PM20D2: variants seen among roughly 807,000 people sequenced by gnomAD.
PM20D2 encodes xaa-Arg dipeptidase.
In PM20D2, 33 loss-of-function variants were observed where a neutral mutation model predicts 42.9. The ratio of observed to expected loss-of-function variants is 0.77; its 90% CI spans 0.58 to 1.03. The LOEUF is 1.03. Among genes scored for constraint, PM20D2 ranks in the 50% least tolerant of loss-of-function variants. The probability of loss-of-function intolerance (pLI) is 0.00; values close to 1 mark genes in which losing one functional copy is unlikely to be tolerated. For synonymous variants in PM20D2, 250 were observed against 228.2 expected, an observed-to-expected ratio of 1.10 and a Z score of -0.86; for missense variants, 548 against 557.0, an observed-to-expected ratio of 0.98 and a Z score of 0.16.
chr6:89,109,032 C>T, the PM20D2 span, among the ~76,000 whole-genome samples: 99,369 of 152,008 alleles, frequency 0.65, 33,266 homozygotes, highest in East Asian at 0.78. Flanking sequence ...TAAGCAAATA[C>T]TTATTGAGCA....
At chr6:89,098,784 T>C in the PM20D2 span, 1 of 1,613,980 alleles carries the variant, frequency 6.2e-7, no homozygotes, top group Non-Finnish European at 8.5e-7. Context: ...GACTGTGATT[T>C]TCCTATTGAC....
chr6:89,110,522 A>G, the PM20D2 span, among the ~76,000 whole-genome samples: 2 of 152,184 alleles, frequency 1.3e-5, no homozygotes, highest in Non-Finnish European at 2.9e-5. Flanking sequence ...GACCAGTCTG[A>G]TTGGTTGTAG....
the PM20D2 span, among the ~76,000 whole-genome samples, chr6:89,124,733 G>GTTTTTTTTTTTTTTTTTTTTTTTTTTTTT: frequency 3.8e-5 from 3 of 79,554 alleles, 1 homozygote; most frequent in Non-Finnish European, 2.3e-5. Context: ...TGTTGCTGTT[G>GTTTTTTTTTTTTTTTTTTTTTTTTTTTTT]TTGTTTTTTT....
chr6:89,122,325 G>A, the PM20D2 span, among the ~76,000 whole-genome samples: 1 of 152,184 alleles, frequency 6.6e-6, no homozygotes, highest in East Asian at 1.9e-4. Context: ...AAGAGTTTGG[G>A]TTATTAGTAA....
the PM20D2 span, among the ~76,000 whole-genome samples, chr6:89,109,930 A>C: frequency 6.6e-6 from 1 of 152,068 alleles, no homozygotes; most frequent in Non-Finnish European, 1.5e-5. Context: ...TCTCTACTAA[A>C]AATACAAAAA....
chr6:89,117,754 C>T, the PM20D2 span: 4 of 1,460,378 alleles, frequency 2.7e-6, no homozygotes, highest in African/African-American at 3.0e-5. Flanking sequence ...GGGCCTCGGC[C>T]GTGCTCCGCG....
At chr6:89,149,528 G>A in intron 2 of PM20D2, 115 bp downstream of exon 2, 1 of 1,287,810 alleles carries the variant, frequency 7.8e-7, no homozygotes, top group Non-Finnish European at 1.1e-6. Context: ...TAAATTGAAA[G>A]ACAATAACAA....
the PM20D2 span, among the ~76,000 whole-genome samples, chr6:89,113,533 T>A: frequency 3.3e-5 from 5 of 152,098 alleles, no homozygotes; most frequent in Admixed American, 3.3e-4. Flanking sequence ...CATCTCGAAC[T>A]CCTGACCTCA....
At chr6:89,158,556 G>GTACCTCCC in intron 5 of PM20D2, 96 bp downstream of exon 5, 1 of 1,388,884 alleles carries the variant, frequency 7.2e-7, no homozygotes, top group Non-Finnish European at 9.9e-7. Context: ...GAGGTCGGGA[G>GTACCTCCC]GTACTACTGA....
At chr6:89,097,938 A>G in the PM20D2 span, 1 of 152,200 alleles carries the variant, frequency 6.6e-6, no homozygotes, top group African/African-American at 2.4e-5. Flanking sequence ...TGATATTACT[A>G]ATGTGGTCAT....
the PM20D2 span, chr6:89,098,396 T>C: frequency 1.6e-6 from 1 of 642,330 alleles, no homozygotes; most frequent in Non-Finnish European, 2.4e-6. Flanking sequence ...ATTTGTAGTG[T>C]GGGCCCTTTA....
chr6:89,123,454 C>G, the PM20D2 span, among the ~76,000 whole-genome samples: 1 of 152,096 alleles, frequency 6.6e-6, no homozygotes, highest in Non-Finnish European at 1.5e-5. Flanking sequence ...GGCACAGTTG[C>G]TCATGCCTGT....
chr6:89,158,355 T>TA lies in PM20D2; in HGVS notation c.944dup (p.Tyr315Ter), dbSNP rs1278255428. The TA allele has an allele frequency of 6.2e-7, 1 of 1,600,748 alleles. No homozygotes were observed. Among genetic ancestry groups the TA allele is most frequent in the African/African-American group, 1.4e-5 (1 of 73,886 alleles). Residue 315 changes from tyrosine to a stop codon, truncating the protein, a stop_gained and frameshift_variant, in exon 5 of 7, where the codon TAC (tyrosine) becomes TAAC (stop). Coordinates refer to ENST00000275072, the MANE Select transcript of PM20D2 (RefSeq NM_001010853.3). LOFTEE classifies it high-confidence loss of function. The part of the protein sequence containing the change: ...VEIKGGAHDY[Y>*]NVLPNKSLWK... Reference sequence around the variant, plus strand: ...AATTAAAGGTGGAGCACATGATTATTACAATGTTCTTCCCAATAAGAGCCT... The same window carrying TA: ...AATTAAAGGTGGAGCACATGATTATTAACAATGTTCTTCCCAATAAGAGCCT...
intron 5 of PM20D2, among the ~76,000 whole-genome samples, chr6:89,159,738 A>G (rs1275688711): frequency 1.3e-5 from 2 of 152,246 alleles, no homozygotes; most frequent in African/African-American, 2.4e-5. Context: ...AGTAGCACAC[A>G]GTGAGCATTG....
At chr6:89,130,190 C>T in the PM20D2 span, among the ~76,000 whole-genome samples, 1 of 152,122 alleles carries the variant, frequency 6.6e-6, no homozygotes, top group Admixed American at 6.5e-5. Context: ...CTGAAACGGT[C>T]CTCATACCCC....
the PM20D2 span, chr6:89,105,320 C>T: frequency 6.4e-7 from 1 of 1,568,878 alleles, no homozygotes; most frequent in South Asian, 1.2e-5. Context: ...ACAGTAACAA[C>T]CACTCAACTA....
the PM20D2 span, chr6:89,106,888 C>T: frequency 2.0e-6 from 1 of 493,782 alleles, no homozygotes; most frequent in African/African-American, 1.9e-5. Context: ...ATATCTGTGT[C>T]CACCCTCCCT....
chr6:89,106,355 C>T, the PM20D2 span, among the ~76,000 whole-genome samples: 2 of 152,210 alleles, frequency 1.3e-5, no homozygotes, highest in Middle Eastern at 3.4e-3. Context: ...TGAGGTGATC[C>T]ACCCGCCTCA....
chr6:89,146,646 G>GC lies in PM20D2; in HGVS notation c.465+40dup, dbSNP rs1474325466. 4 of 1,366,268 alleles carry GC rather than the reference G, an allele frequency of 2.9e-6. No individual in the cohort carries two copies. The African/African-American group carries it at 6.2e-5, about 21-fold the overall frequency. 84.6% of individuals were successfully genotyped at this position (1,366,268 alleles called of 1,614,324 possible). A position where few individuals can be genotyped will look rare whatever the true frequency, so the allele number is the denominator to read the frequency against. On this transcript the variant is annotated intron_variant, in intron 1 of 6. Coordinates refer to ENST00000275072, the MANE Select transcript of PM20D2 (RefSeq NM_001010853.3). Reference sequence around the variant, plus strand: ...CCCGGGTGCGGGACCCTATCCGACTGCCCGGGTCGGGGGCGACCCGGGAAG... The same window carrying GC: ...CCCGGGTGCGGGACCCTATCCGACTGCCCCGGGTCGGGGGCGACCCGGGAAG...
Sources: gnomAD v4.1 joint callset for allele counts (sites outside exome capture counted in the v4.1 genomes callset) on GRCh38, gnomAD v4.1.1 for gene constraint, MANE v1.5 for transcripts, NCBI Gene and HGNC (gene_info 2026-07-23, HGNC 2026-07-21) for gene names.